The following TRPT1 variants were observed in gnomAD, a reference collection of about 807,000 sequenced individuals.
The protein encoded by TRPT1 is tRNA 2'-phosphotransferase 1.
In TRPT1, 22 loss-of-function variants were observed where a neutral mutation model predicts 28.4. The ratio of observed to expected loss-of-function variants is 0.78; its 90% confidence interval spans 0.55 to 1.11. The LOEUF (loss-of-function observed/expected upper bound fraction) is 1.11, where lower values mean the gene tolerates loss of function less well. TRPT1 is among the 50% of genes least tolerant of loss of function. The pLI is 0.00. For synonymous variants in TRPT1, 137 were observed against 132.4 expected, an observed-to-expected ratio of 1.03 and a Z score of -0.24; for missense variants, 308 against 317.7, an observed-to-expected ratio of 0.97 and a Z score of 0.23.
In TRPT1 at chr11:64,223,894, C is replaced by T; in HGVS notation, c.744G>A (p.Arg248=). 1 of 1,607,878 alleles carries T rather than the reference C, an allele frequency of 6.2e-7. No homozygotes were observed. Among genetic ancestry groups the T allele is most frequent in the Non-Finnish European group, 8.5e-7 (1 of 1,176,704 alleles). The change falls in exon 8 of 8, where the codon AGG becomes AGA. Residue 248 remains arginine (R), a synonymous_variant. Coordinates refer to ENST00000317459, the MANE Select transcript of TRPT1 (RefSeq NM_001033678.4). ...QSSPKHSSRE[R]RRIQQ ...TAATATTTTATTGTTGGATCCTCCTCCTTTCTCTGGAGCTGTGCTTGGGGC... is the reference window on the plus strand; with the variant it reads ...TAATATTTTATTGTTGGATCCTCCTTCTTTCTCTGGAGCTGTGCTTGGGGC...
chr11:64,224,391 A>C, intron 5 of TRPT1, 50 bp from the exon 6 acceptor site: 1 of 1,610,506 alleles, frequency 6.2e-7, no homozygotes, highest in Admixed American at 1.7e-5. Context: ...TGCAGTCAGC[A>C]ACCTAGGCAG....
In TRPT1 at chr11:64,224,836, G is replaced by A. The variant is rs117480910; in HGVS notation, c.292C>T (p.Leu98Phe). The change falls in exon 4 of 8, where the codon CTT becomes TTT. Residue 98 changes from leucine to phenylalanine, a missense_variant. Coordinates refer to ENST00000317459, the MANE Select transcript of TRPT1 (RefSeq NM_001033678.4). ...ALQLGDPSTG[L>F]LIRANQGHSL... ...TGGCCCTGGTTGGCCCGGATGAGAA[G>A]GCCAGTGCTGGGATCCCCCAGCTGC... 468 of 1,613,718 alleles carry A rather than the reference G, an allele frequency of 2.9e-4. 5 individuals carry two copies. In the Middle Eastern group the frequency reaches 3.0e-3, roughly 10 times the overall value.
intron 1 of TRPT1, 47 bp downstream of exon 1, chr11:64,226,003 G>A: frequency 3.2e-6 from 2 of 624,358 alleles, no homozygotes; most frequent in Non-Finnish European, 5.7e-6. Context: ...CCACCCCCAA[G>A]TCCCTGCTGC....
upstream of TRPT1, chr11:64,226,228 A>T: frequency 3.0e-6 from 1 of 335,118 alleles, no homozygotes; most frequent in Non-Finnish European, 5.0e-6. Context: ...CGCCAATGAA[A>T]AGCCGCGTGG....
upstream of TRPT1, chr11:64,226,256 C>G: frequency 1.9e-6 from 1 of 521,026 alleles, no homozygotes; most frequent in Non-Finnish European, 2.8e-6. Context: ...GCGGGCACTT[C>G]CGCTTCGGGG....
Position 64,223,912 on chromosome 11 carries a change from C to A in TRPT1, c.726G>T (p.Lys242Asn), listed in dbSNP as rs927084598. 9 of 1,613,642 alleles carry A rather than the reference C, an allele frequency of 5.6e-6. No homozygotes were observed. Among genetic ancestry groups the A allele is most frequent in the Non-Finnish European group, 7.6e-6 (9 of 1,179,734 alleles). The part of the protein sequence containing the change: ...DEETECQSSP[K>N]HSSRERRRIQ... ...TCCTCCTCCTTTCTCTGGAGCTGTGCTTGGGGCTACTCTGACACTCTGTCT... is the reference window on the plus strand; with the variant it reads ...TCCTCCTCCTTTCTCTGGAGCTGTGATTGGGGCTACTCTGACACTCTGTCT... Residue 242 changes from lysine (K) to asparagine (N), a missense_variant, in exon 8 of 8, where the codon AAG becomes AAT. Lys to Asn is a moderately conservative substitution (Grantham distance 94). Transcript: ENST00000317459.
At chr11:64,225,449 C>T in intron 3 of TRPT1, 50 bp downstream of exon 3, 2 of 1,523,038 alleles carry the variant, frequency 1.3e-6, no homozygotes, top group Non-Finnish European at 1.8e-6. Flanking sequence ...CGCAGACAGG[C>T]TCACGTTTCT....
intron 5 of TRPT1, 97 bp downstream of exon 5, chr11:64,224,446 G>A (rs1343098038): frequency 1.7e-5 from 27 of 1,591,078 alleles, no homozygotes; most frequent in Admixed American, 3.4e-5. Context: ...GCTCCATGCC[G>A]GACATGGGGT....
At chr11:64,223,803 G>A (rs1178708752), downstream of TRPT1, 2 of 1,098,064 alleles carry the variant, frequency 1.8e-6, no homozygotes, top group East Asian at 5.1e-5. Context: ...TGTAGCTACA[G>A]GATGATGAAA....
Position 64,225,395 on chromosome 11 carries a change from G to C in TRPT1, c.157+104C>G, listed in dbSNP as rs546598707. ...TGTGCATGGGGAGGAAGTGCACTCTGTGCCTTCCTCAGGGAGCGGTGGAGG... is the reference window on the plus strand; with the variant it reads ...TGTGCATGGGGAGGAAGTGCACTCTCTGCCTTCCTCAGGGAGCGGTGGAGG... On this transcript the variant is annotated intron_variant, in intron 3 of 7. Coordinates refer to ENST00000317459, the MANE Select transcript of TRPT1 (RefSeq NM_001033678.4). 2.5e-5 allele frequency: 23 copies of C among 928,686 alleles called. No individual in the cohort carries two copies. In the African/African-American group the frequency reaches 3.5e-4, roughly 14 times the overall value. The allele number at this position is 928,686 out of a possible 1,614,324, so 57.5% of individuals were successfully genotyped here. A position where few individuals can be genotyped will look rare whatever the true frequency, so the allele number is the denominator to read the frequency against.
At position 64,224,856 on chromosome 11, in the gene TRPT1, A is replaced by G. The variant is rs765935110; in HGVS notation, c.272T>C (p.Leu91Pro). The G allele has an allele frequency of 2.1e-5, 34 of 1,613,342 alleles. No homozygotes were observed. In the South Asian group the frequency reaches 3.7e-4, roughly 18 times the overall value. Reference protein sequence around the residue: ...TNRKQRFALQLGDPSTGLLIR... With the variant: ...TNRKQRFALQPGDPSTGLLIR... Reference sequence around the variant, plus strand: ...GAGAAGGCCAGTGCTGGGATCCCCCAGCTGCAGGGCGAACCGCTGCTTCCT... The same window carrying G: ...GAGAAGGCCAGTGCTGGGATCCCCCGGCTGCAGGGCGAACCGCTGCTTCCT... Residue 91 changes from leucine to proline, a missense_variant, in exon 4 of 8, where the codon CTG becomes CCG. By Grantham distance (98) the Leu-to-Pro change is moderately conservative. Coordinates refer to ENST00000317459, the MANE Select transcript of TRPT1 (RefSeq NM_001033678.4).
rs1353817493 is a variant in TRPT1, at chr11:64,225,578, G to A, written c.78C>T (p.Asp26=). 3 of 1,610,358 alleles carry A rather than the reference G, an allele frequency of 1.9e-6. No individual in the cohort carries two copies. The highest frequency in any genetic ancestry group is 2.5e-6 in the Non-Finnish European group (3 of 1,178,494). Residue 26 remains aspartate, a splice_region_variant and synonymous_variant, in exon 3 of 8, where the codon GAC becomes GAT. Coordinates refer to ENST00000317459, the MANE Select transcript of TRPT1 (RefSeq NM_001033678.4). ...GRRAPRPREQ[D]RDVQLSKALS... ...GAGCCTTGGACAGCTGCACGTCTCG[G>A]TCCTGAAAGAACCCAGCGGTGGCCC...
In TRPT1 at chr11:64,224,181, C is replaced by T; in HGVS notation, c.589G>A (p.Gly197Arg). 1 of 1,608,974 alleles carries T rather than the reference C, an allele frequency of 6.2e-7. No homozygotes were observed. Among genetic ancestry groups the T allele is most frequent in the Middle Eastern group, 1.7e-4 (1 of 6,050 alleles). ...GTATTCCCTGGAGTCAGAATCACCC[C>T]ATTGGCAGAGCGGAAGAAGGGTATT... ...DGIPFFRSAN[G>R]VILTPGNTDG... Residue 197 changes from glycine (G) to arginine (R), a missense_variant, in exon 7 of 8, where the codon GGG becomes AGG. Gly to Arg is a moderately radical substitution (Grantham distance 125, BLOSUM62 -2). Coordinates refer to ENST00000317459, the MANE Select transcript of TRPT1 (RefSeq NM_001033678.4).
chr11:64,224,661 T>C lies in TRPT1; in HGVS notation c.384A>G (p.Leu128=). 1.2e-6 allele frequency: 2 copies of C among 1,606,938 alleles called. No homozygotes were observed. Among genetic ancestry groups the C allele is most frequent in the Non-Finnish European group, 1.7e-6 (2 of 1,175,866 alleles). The change falls in exon 5 of 8, where the codon CTA becomes CTG. Residue 128 remains leucine (L), a synonymous_variant. Coordinates refer to ENST00000317459, the MANE Select transcript of TRPT1 (RefSeq NM_001033678.4). ...AGTGCTTCCAGAATGTACCATGGAC[T>C]AGCATCGGGGGCAGGGCCTGCGGTG... ...LETPQALPPM[L]VHGTFWKHWP... is the part of the protein sequence containing the mutation.
chr11:64,224,494 G>A (rs1297582094), intron 5 of TRPT1, 49 bp downstream of exon 5: 10 of 1,571,532 alleles, frequency 6.4e-6, no homozygotes, highest in African/African-American at 1.3e-5. Context: ...AAGGGGACCT[G>A]GGAGGACAGA....
At position 64,225,821 on chromosome 11, in the gene TRPT1, A is replaced by C; in HGVS notation, c.40T>G (p.Ser14Ala). The change falls in exon 2 of 8, where the codon TCC becomes GCC. Residue 14 changes from serine to alanine, a missense_variant. Transcript: ENST00000317459. ...SGGGRQEAAG[S>A]RGRRAPRPRE... ...GGTCTGGGAGCCCTTCTACCCCTGG[A>C]CCCTGCTGCTTCCTGCCTCCCTCCT... The C allele has an allele frequency of 6.4e-7, 1 of 1,554,814 alleles. No homozygotes were observed. Among genetic ancestry groups the C allele is most frequent in the Non-Finnish European group, 8.7e-7 (1 of 1,148,618 alleles).
At position 64,226,065 on chromosome 11, in the gene TRPT1, C is replaced by T. The variant is rs1030410904; in HGVS notation, c.-25G>A. 4.7e-5 allele frequency: 26 copies of T among 556,068 alleles called. No individual in the cohort carries two copies. Among genetic ancestry groups the T allele is most frequent in the African/African-American group, 4.7e-4 (24 of 51,584 alleles). 34.4% of individuals were successfully genotyped at this position (556,068 alleles called of 1,614,324 possible). A position where few individuals can be genotyped will look rare whatever the true frequency, so the allele number is the denominator to read the frequency against. Reference sequence around the variant, plus strand: ...CCAGACTTGCCCAAGGTCACACGGTCAGCCAGGAGCGCAGGGAGGCCGAGC... The same window carrying T: ...CCAGACTTGCCCAAGGTCACACGGTTAGCCAGGAGCGCAGGGAGGCCGAGC... On this transcript the variant is annotated 5_prime_UTR_variant, in exon 1 of 8. Transcript: ENST00000317459.
rs752912630 is a variant in TRPT1 at position 64,225,483 on chromosome 11, CA to C, written c.157+15del. 2.5e-6 allele frequency: 4 copies of C among 1,608,706 alleles called. No homozygotes were observed. The highest frequency in any genetic ancestry group is 2.5e-6 in the Non-Finnish European group (3 of 1,177,076). On this transcript the variant is annotated intron_variant, in intron 3 of 7. Coordinates refer to ENST00000317459, the MANE Select transcript of TRPT1 (RefSeq NM_001033678.4). ...CTCTCTGGGCTCAAGCCCCAGCCTC[CA>C]AGGCCCCTACTTACCAGCTCCCATG...
At position 64,225,487 on chromosome 11, in the gene TRPT1, GC is replaced by G. The variant is rs758676291; in HGVS notation, c.157+11del. ...CTGGGCTCAAGCCCCAGCCTCCAAG[GC>G]CCCTACTTACCAGCTCCCATGGGAA... On this transcript the variant is annotated intron_variant, in intron 3 of 7. Coordinates refer to ENST00000317459, the MANE Select transcript of TRPT1 (RefSeq NM_001033678.4). 6.2e-7 allele frequency: 1 copy of G among 1,609,710 alleles called. No individual in the cohort carries two copies. Among genetic ancestry groups the G allele is most frequent in the Admixed American group, 1.7e-5 (1 of 59,668 alleles).
Sources: gnomAD v4.1 joint callset for allele counts on GRCh38, gnomAD v4.1.1 for gene constraint, MANE v1.5 for transcripts, NCBI Gene and HGNC (gene_info 2026-07-23, HGNC 2026-07-21) for gene names.